The following INTS4 variants were observed in gnomAD, a reference collection of about 807,000 sequenced individuals.
INTS4 encodes the protein integrator complex subunit 4.
Under a neutral mutation model 119.5 loss-of-function variants are expected in INTS4, and 70 were observed. That is an observed-to-expected ratio of 0.59 (90% confidence interval 0.48 to 0.71). INTS4 has a LOEUF of 0.71. INTS4 is among the 30% of genes least tolerant of loss of function. INTS4 has a pLI of 0.00. For synonymous variants in INTS4, 316 were observed against 419.6 expected (o/e 0.75, Z 3.02); for missense variants, 867 against 1,173.2 (o/e 0.74, Z 3.81).
chr11:77,883,970 T>G lies in INTS4; in HGVS notation c.2593-18A>C, dbSNP rs762992777. 6.2e-7 allele frequency: 1 copy of G among 1,610,272 alleles called. No individual in the cohort carries two copies. The highest frequency in any genetic ancestry group is 1.1e-5 in the South Asian group (1 of 90,604). On this transcript the variant is annotated intron_variant, in intron 21 of 22. Transcript: ENST00000534064. The stretch of plus-strand genomic sequence containing the variant: ...TATAAGACCTAAAGGGTGACAGAAA[T>G]GAGAAAAAGGCAGAAGCGAGAGGAG...
chr11:77,921,252 A>T, intron 14 of INTS4, 88 bp downstream of exon 14: 2 of 1,374,632 alleles, frequency 1.5e-6, no homozygotes, highest in Non-Finnish European at 2.0e-6. Flanking sequence ...GCAACATAAC[A>T]AGACCCCCAT....
At chr11:77,882,309 C>T (rs1951826079) in intron 22 of INTS4, among the ~76,000 whole-genome samples, 1 of 152,082 alleles carries the variant, frequency 6.6e-6, no homozygotes, top group African/African-American at 2.4e-5. Flanking sequence ...GGAAATGGGG[C>T]CTAGGAAAAA....
chr11:77,960,237 T>C (rs983234946), intron 6 of INTS4, 104 bp downstream of exon 6: 5 of 740,850 alleles, frequency 6.7e-6, no homozygotes, highest in African/African-American at 3.5e-5. Context: ...CTGCCACTAT[T>C]AACTAGCGAA....
chr11:77,994,466 G>T, intron 1 of INTS4, 124 bp downstream of exon 1: 1 of 752,538 alleles, frequency 1.3e-6, no homozygotes, highest in Non-Finnish European at 2.4e-6. Flanking sequence ...CAATATCAGA[G>T]ATTATCAACA....
At chr11:77,949,788 C>T (rs569149909) in intron 8 of INTS4, among the ~76,000 whole-genome samples, 3 of 152,172 alleles carry the variant, frequency 2.0e-5, no homozygotes, top group South Asian at 4.1e-4. Context: ...ATTAGTTCAG[C>T]CATTGTGGAA....
chr11:77,964,367 A>G (rs151123534), intron 4 of INTS4, among the ~76,000 whole-genome samples: 2 of 151,874 alleles, frequency 1.3e-5, no homozygotes, highest in East Asian at 3.9e-4. Flanking sequence ...GGAGATCGAG[A>G]CCATCCTGGC....
chr11:77,963,365 A>AAC (rs1855336205), intron 4 of INTS4: 25 of 393,326 alleles, frequency 6.4e-5, no homozygotes, highest in South Asian at 3.5e-4. Context: ...AAAAAAAAAA[A>AAC]AAAAAAAAAC....
chr11:77,992,894 A>G (rs1293493324), intron 1 of INTS4, among the ~76,000 whole-genome samples: 1 of 152,244 alleles, frequency 6.6e-6, no homozygotes, highest in African/African-American at 2.4e-5. Flanking sequence ...GAGAAAAAAG[A>G]ACAGAAGCAC....
At chr11:77,964,536 T>C (rs935845391) in intron 4 of INTS4, among the ~76,000 whole-genome samples, 2 of 151,714 alleles carry the variant, frequency 1.3e-5, no homozygotes, top group Admixed American at 6.6e-5. Context: ...ATCGCGCCAC[T>C]GCACTCCAGC....
downstream of INTS4, among the ~76,000 whole-genome samples, chr11:77,878,166 T>C (rs548775210): frequency 6.7e-4 from 102 of 151,974 alleles, no homozygotes; most frequent in Middle Eastern, 3.4e-3. Flanking sequence ...ATCAAGACCA[T>C]CCTGGCTAAC....
At position 77,891,719 on chromosome 11, in the gene INTS4, G is replaced by A. The variant is rs1270773866; in HGVS notation, c.2410C>T (p.Arg804Ter). 1.1e-5 allele frequency: 18 copies of A among 1,611,864 alleles called. No individual in the cohort carries two copies. Among genetic ancestry groups the A allele is most frequent in the Non-Finnish European group, 1.4e-5 (16 of 1,179,854 alleles). ...GGGAGATGCAGAAAGGCACTCTGTC[G>A]CAGCATGGTCTGTAGAATTTTGACC... ...EVVKILQTML[R>*]QSAFLHLPLP... Residue 804 changes from arginine (R) to a stop codon, truncating the protein, a stop_gained, in exon 20 of 23, where the codon CGA becomes TGA. Coordinates refer to ENST00000534064, the MANE Select transcript of INTS4 (RefSeq NM_033547.4). LOFTEE classifies it high-confidence loss of function.
chr11:77,968,816 C>CATAT (rs1051768066), intron 4 of INTS4, among the ~76,000 whole-genome samples: 1 of 151,422 alleles, frequency 6.6e-6, no homozygotes, highest in Non-Finnish European at 1.5e-5. Context: ...GAACTGAAAA[C>CATAT]ATATATATAT....
At chr11:77,923,309 C>A (rs1394202101) in intron 12 of INTS4, among the ~76,000 whole-genome samples, 2 of 92,548 alleles carry the variant, frequency 2.2e-5, no homozygotes, top group Non-Finnish European at 3.8e-5. Context: ...AAGAGAGACT[C>A]TGTCTCAAAA....
At chr11:77,878,701 G>C, downstream of INTS4, 1 of 693,282 alleles carries the variant, frequency 1.4e-6, no homozygotes. Flanking sequence ...TTTCTTTACA[G>C]ACCAGGAACT....
rs1162893388 is a variant in INTS4, at chr11:77,963,375, C to CA, written c.472-2238dup. ...CTCAAAAAAAAAAAAAAAAAAAAAA[C>CA]AAAAAAAACTGCTTTTCTTTATACT... On this transcript the variant is annotated intron_variant, in intron 4 of 22. Coordinates refer to ENST00000534064, the MANE Select transcript of INTS4 (RefSeq NM_033547.4). The CA allele has an allele frequency of 5.7e-3, 1,043 of 182,424 alleles. 21 individuals are homozygous for CA. Among genetic ancestry groups the CA allele is most frequent in the Non-Finnish European group, 8.5e-3 (821 of 96,694 alleles). 11.3% of individuals were successfully genotyped at this position (182,424 alleles called of 1,614,324 possible).
At chr11:77,980,728 C>T (rs987010331) in intron 3 of INTS4, among the ~76,000 whole-genome samples, 10 of 152,224 alleles carry the variant, frequency 6.6e-5, no homozygotes, top group African/African-American at 1.9e-4. Context: ...CAGTGGCTCA[C>T]GCCTGTAATT....
chr11:77,950,315 T>C (rs924547174), intron 8 of INTS4, among the ~76,000 whole-genome samples: 1 of 151,902 alleles, frequency 6.6e-6, no homozygotes, highest in Non-Finnish European at 1.5e-5. Flanking sequence ...TGTATACCTA[T>C]GTCACAAACC....
chr11:77,963,370 A>C (rs968778928), intron 4 of INTS4: 5 of 375,666 alleles, frequency 1.3e-5, no homozygotes, highest in Non-Finnish European at 2.0e-5. Context: ...AAAAAAAAAA[A>C]AAAACAAAAA....
chr11:77,951,392 GACAAAA>G (rs1419863001), intron 8 of INTS4, among the ~76,000 whole-genome samples: 1 of 152,112 alleles, frequency 6.6e-6, no homozygotes, highest in Non-Finnish European at 1.5e-5. Flanking sequence ...TGACAAATCT[GACAAAA>G]ACAAGAAATG....
Sources: allele counts gnomAD v4.1 joint callset (sites outside exome capture counted in the v4.1 genomes callset), GRCh38; gene constraint gnomAD v4.1.1; transcripts MANE v1.5; gene names NCBI Gene and HGNC (gene_info 2026-07-23, HGNC 2026-07-21).